The following E2F5 variants were observed in gnomAD, a reference collection of about 807,000 sequenced individuals.
E2F5 encodes E2F transcription factor 5, also known as transcription factor E2F5.
Under a neutral mutation model 39.1 loss-of-function variants are expected in E2F5, and 23 were observed. That is an observed-to-expected ratio of 0.59 (90% CI 0.42 to 0.83). The LOEUF is 0.83. E2F5 is among the 40% of genes least tolerant of loss of function. The probability of loss-of-function intolerance (pLI) is 0.00; values close to 1 mark genes in which losing one functional copy is unlikely to be tolerated. For synonymous variants in E2F5, 145 were observed against 157.8 expected, an observed-to-expected ratio of 0.92 and a Z score of 0.61; for missense variants, 365 against 406.7, an observed-to-expected ratio of 0.90 and a Z score of 0.88.
At chr8:85,206,895 CTA>C (rs1812812141) in intron 4 of E2F5, among the ~76,000 whole-genome samples, 1 of 152,156 alleles carries the variant, frequency 6.6e-6, no homozygotes, top group African/African-American at 2.4e-5. Flanking sequence ...CTATGTAAGA[CTA>C]TGTTGGAAAT....
chr8:85,210,147 G>C (rs1221716446), intron 6 of E2F5, among the ~76,000 whole-genome samples: 1 of 152,164 alleles, frequency 6.6e-6, no homozygotes, highest in African/African-American at 2.4e-5. Context: ...TGAATGAATG[G>C]TGCCAATATA....
intron 7 of E2F5, 89 bp downstream of exon 7, chr8:85,212,293 A>T (rs1162118216): frequency 4.0e-6 from 4 of 991,646 alleles, no homozygotes; most frequent in Non-Finnish European, 6.2e-6. Flanking sequence ...AAATGAACAT[A>T]TATTTGCTAC....
intron 1 of E2F5, among the ~76,000 whole-genome samples, chr8:85,190,703 C>T (rs1032410718): frequency 1.4e-4 from 21 of 151,678 alleles, no homozygotes; most frequent in Non-Finnish European, 2.6e-4. Context: ...GGAGTTTCAC[C>T]GTATTGGTCA....
chr8:85,213,406 G>A (rs1434940055), intron 7 of E2F5: 1 of 156,826 alleles, frequency 6.4e-6, no homozygotes, highest in Non-Finnish European at 1.4e-5. Flanking sequence ...GCCGGTCGTG[G>A]TGGCAGGCAC....
Position 85,203,146 on chromosome 8 carries a change from C to CTATGA in E2F5, c.398_399insATGAT (p.Lys134Ter). 3.1e-6 allele frequency: 5 copies of CTATGA among 1,599,734 alleles called. No individual in the cohort carries two copies. Among genetic ancestry groups the CTATGA allele is most frequent in the Non-Finnish European group, 4.3e-6 (5 of 1,172,614 alleles). Reference sequence around the variant, plus strand: ...AGAAGTCATAGATAGATTAAGATATCTTAAAGCTGAAATTGAAGATCTAGA... The same window carrying CTATGA: ...AGAAGTCATAGATAGATTAAGATATCTATGATTAAAGCTGAAATTGAAGATCTAGA... On this transcript the variant is annotated stop_gained and frameshift_variant, in exon 3 of 8. Transcript: ENST00000416274. LOFTEE classifies it high-confidence loss of function.
chr8:85,192,680 C>T (rs1033366422), intron 1 of E2F5, among the ~76,000 whole-genome samples: 1 of 152,158 alleles, frequency 6.6e-6, no homozygotes, highest in Non-Finnish European at 1.5e-5. Flanking sequence ...ACAGTTTATA[C>T]TAAAGAATTA....
chr8:85,211,829 C>T (rs1587502973), intron 6 of E2F5, among the ~76,000 whole-genome samples: 6 of 151,328 alleles, frequency 4.0e-5, no homozygotes, highest in Admixed American at 3.3e-4. Context: ...TTTGTAAAGA[C>T]GGATTTCACT....
At chr8:85,199,387 GC>G (rs1812644934) in intron 1 of E2F5, among the ~76,000 whole-genome samples, 1 of 152,040 alleles carries the variant, frequency 6.6e-6, no homozygotes, top group Admixed American at 6.6e-5. Flanking sequence ...CCTTCCTCTT[GC>G]CTGCATTCTC....
intron 6 of E2F5, among the ~76,000 whole-genome samples, chr8:85,211,303 C>T (rs551305475): frequency 4.6e-5 from 7 of 151,346 alleles, no homozygotes; most frequent in Non-Finnish European, 7.4e-5. Flanking sequence ...GGGAGGGAGG[C>T]CAAAGTGGGA....
intron 1 of E2F5, among the ~76,000 whole-genome samples, chr8:85,200,138 T>C (rs1812663800): frequency 6.6e-6 from 1 of 152,112 alleles, no homozygotes; most frequent in Admixed American, 6.6e-5. Flanking sequence ...TCCCAGCTAC[T>C]TGGGAGGCTG....
chr8:85,204,849 A>G (rs1466373511), intron 3 of E2F5, among the ~76,000 whole-genome samples: 1 of 152,168 alleles, frequency 6.6e-6, no homozygotes, highest in African/African-American at 2.4e-5. Context: ...GTCAGGTACC[A>G]GACAACTGGG....
In E2F5 at chr8:85,209,015, TTAA is replaced by T. The variant is rs543703984; in HGVS notation, c.616-125_616-123del. 1.2e-4 allele frequency: 115 copies of T among 964,472 alleles called. 1 individual carries two copies. The African/African-American group carries it at 1.5e-3, about 12-fold the overall frequency. 59.7% of individuals were successfully genotyped at this position (964,472 alleles called of 1,614,324 possible). The stretch of plus-strand genomic sequence containing the variant: ...TATGTCTCTACTTTTGTGTTTTGAC[TTAA>T]TGACTTTATTGTGTTATGTGAATTT... On this transcript the variant is annotated intron_variant, in intron 5 of 7. Coordinates refer to ENST00000416274, the MANE Select transcript of E2F5 (RefSeq NM_001951.4).
chr8:85,191,281 C>T (rs183291260), intron 1 of E2F5, among the ~76,000 whole-genome samples: 1 of 152,086 alleles, frequency 6.6e-6, no homozygotes, highest in Non-Finnish European at 1.5e-5. Context: ...TGGTGGTTAC[C>T]AGGAGCTTGG....
intron 1 of E2F5, among the ~76,000 whole-genome samples, chr8:85,179,137 G>A (rs1812147672): frequency 6.6e-6 from 1 of 152,132 alleles, no homozygotes; most frequent in African/African-American, 2.4e-5. Flanking sequence ...AATTTCACAG[G>A]AAGTCATGAA....
intron 1 of E2F5, chr8:85,187,695 C>G (rs1352769485): frequency 1.3e-5 from 2 of 152,238 alleles, no homozygotes; most frequent in East Asian, 3.9e-4. Flanking sequence ...AAGCAAGCCT[C>G]TTATAGGCAG....
At chr8:85,200,303 T>C in intron 1 of E2F5, 1 of 955,672 alleles carries the variant, frequency 1.0e-6, no homozygotes, top group Non-Finnish European at 1.2e-6. Context: ...GAGATTCTTT[T>C]ACATATGATC....
intron 1 of E2F5, among the ~76,000 whole-genome samples, chr8:85,181,909 C>T (rs1009828474): frequency 4.0e-4 from 60 of 151,470 alleles, no homozygotes; most frequent in African/African-American, 1.4e-3. Context: ...TGCAGTGAGC[C>T]GAGATCGCAC....
At chr8:85,188,102 A>G (rs1812380173) in intron 1 of E2F5, among the ~76,000 whole-genome samples, 1 of 152,130 alleles carries the variant, frequency 6.6e-6, no homozygotes, top group South Asian at 2.1e-4. Flanking sequence ...TGAATATTTG[A>G]TGTCACAAGT....
At chr8:85,189,793 A>T (rs1812421388) in intron 1 of E2F5, among the ~76,000 whole-genome samples, 1 of 152,194 alleles carries the variant, frequency 6.6e-6, no homozygotes, top group South Asian at 2.1e-4. Context: ...ATTTCATACA[A>T]TGAATATGTA....
Sources: allele counts gnomAD v4.1 joint callset (sites outside exome capture counted in the v4.1 genomes callset), GRCh38; gene constraint gnomAD v4.1.1; transcripts MANE v1.5; gene names NCBI Gene and HGNC (gene_info 2026-07-23, HGNC 2026-07-21).